Variants in RIGI observed in about 807,000 individuals in gnomAD.
RIGI encodes the protein RNA sensor RIG-I.
the RIGI span, among the ~76,000 whole-genome samples, chr9:32,476,514 G>A: frequency 6.8e-6 from 1 of 147,572 alleles, no homozygotes; most frequent in Non-Finnish European, 1.5e-5. Context: ...CTAAGTGGGG[G>A]AAAAAAAAAC....
the RIGI span, among the ~76,000 whole-genome samples, chr9:32,521,259 G>A: frequency 2.0e-5 from 3 of 150,460 alleles, no homozygotes; most frequent in East Asian, 3.9e-4. Flanking sequence ...ACCATACAAA[G>A]GTAAAATTTG....
the RIGI span, among the ~76,000 whole-genome samples, chr9:32,501,325 CAAAAAAAA>C: frequency 4.1e-5 from 5 of 121,846 alleles, no homozygotes; most frequent in Non-Finnish European, 8.1e-5. Context: ...CCAGCCTCTA[CAAAAAAAA>C]AAAAAAAAAA....
the RIGI span, among the ~76,000 whole-genome samples, chr9:32,460,876 T>C: frequency 6.6e-6 from 1 of 152,096 alleles, no homozygotes; most frequent in African/African-American, 2.4e-5. Context: ...GCTTAAAAAG[T>C]ATTCACAGAA....
chr9:32,480,525 C>T, the RIGI span, among the ~76,000 whole-genome samples: 1 of 152,136 alleles, frequency 6.6e-6, no homozygotes, highest in Non-Finnish European at 1.5e-5. Context: ...GTAACAAAAT[C>T]TTTGAACCAA....
At chr9:32,525,203 G>C in the RIGI span, among the ~76,000 whole-genome samples, 3 of 152,122 alleles carry the variant, frequency 2.0e-5, no homozygotes, top group Non-Finnish European at 4.4e-5. Context: ...CTAGAGGCAA[G>C]GTGCCCCCTG....
chr9:32,477,213 C>G, the RIGI span: 4 of 1,498,160 alleles, frequency 2.7e-6, no homozygotes, highest in Non-Finnish European at 3.6e-6. Flanking sequence ...ATCGTTCAAA[C>G]AGCTGATCTC....
chr9:32,476,559 T>A, the RIGI span, among the ~76,000 whole-genome samples: 2 of 151,220 alleles, frequency 1.3e-5, no homozygotes, highest in Non-Finnish European at 2.9e-5. Context: ...AGTATAAGGA[T>A]AAACATATAA....
chr9:32,496,185 C>T, the RIGI span, among the ~76,000 whole-genome samples: 1 of 152,044 alleles, frequency 6.6e-6, no homozygotes, highest in African/African-American at 2.4e-5. Flanking sequence ...GAAGTTTTTC[C>T]CCTATGCTTT....
chr9:32,507,408 TTTA>T, the RIGI span, among the ~76,000 whole-genome samples: 1 of 152,132 alleles, frequency 6.6e-6, no homozygotes, highest in South Asian at 2.1e-4. Flanking sequence ...CATTTATGCT[TTTA>T]TTATCATTTA....
chr9:32,491,486 T>G, the RIGI span: 1 of 1,337,844 alleles, frequency 7.5e-7, no homozygotes. Context: ...TGGTGAAAGC[T>G]CCACAAAATG....
the RIGI span, chr9:32,457,125 T>C: frequency 3.7e-6 from 6 of 1,612,074 alleles, no homozygotes; most frequent in Non-Finnish European, 5.1e-6. Context: ...CCTGATATCA[T>C]TTGGACATTT....
chr9:32,510,762 T>G, the RIGI span, among the ~76,000 whole-genome samples: 3 of 152,202 alleles, frequency 2.0e-5, no homozygotes, highest in Non-Finnish European at 4.4e-5. Flanking sequence ...GTGAATGGGC[T>G]AAATGCCCCA....
chr9:32,477,092 C>G, the RIGI span: 3 of 1,613,886 alleles, frequency 1.9e-6, no homozygotes, highest in Admixed American at 1.7e-5. Context: ...ATTCTCATTG[C>G]TGGGATCCCT....
chr9:32,512,906 A>G, the RIGI span, among the ~76,000 whole-genome samples: 1 of 152,054 alleles, frequency 6.6e-6, no homozygotes, highest in Admixed American at 6.6e-5. Flanking sequence ...AAAAATCACA[A>G]GCATTCCTAT....
the RIGI span, among the ~76,000 whole-genome samples, chr9:32,463,037 G>A: frequency 6.6e-6 from 1 of 151,972 alleles, no homozygotes; most frequent in African/African-American, 2.4e-5. Context: ...CACACCTGTA[G>A]TCCTAGCTGC....
the RIGI span, among the ~76,000 whole-genome samples, chr9:32,485,861 G>T: frequency 6.6e-6 from 1 of 151,956 alleles, no homozygotes; most frequent in African/African-American, 2.4e-5. Flanking sequence ...TACTGTGGCT[G>T]TCCTGTTACC....
the RIGI span, chr9:32,526,010 A>C: frequency 7.2e-7 from 1 of 1,390,896 alleles, no homozygotes; most frequent in South Asian, 1.2e-5. Flanking sequence ...GCAAGAGAAA[A>C]ACAAGTCCTC....
At chr9:32,463,502 T>C in the RIGI span, among the ~76,000 whole-genome samples, 152 of 152,374 alleles carry the variant, frequency 1.0e-3, 3 homozygotes, top group African/African-American at 3.4e-3. Flanking sequence ...AATTCACTTA[T>C]AATGGTATTC....
At chr9:32,457,926 C>T in the RIGI span, among the ~76,000 whole-genome samples, 1 of 152,116 alleles carries the variant, frequency 6.6e-6, no homozygotes, top group African/African-American at 2.4e-5. Flanking sequence ...CATACTAGTC[C>T]CTCAGGAAAA....
Sources: gnomAD v4.1 joint callset for allele counts (sites outside exome capture counted in the v4.1 genomes callset) on GRCh38, gnomAD v4.1.1 for gene constraint, MANE v1.5 for transcripts, NCBI Gene and HGNC (gene_info 2026-07-23, HGNC 2026-07-21) for gene names.